Variants in CNTNAP2 observed in about 807,000 individuals in gnomAD.
CNTNAP2 encodes the protein contactin associated protein 2.
In CNTNAP2, 98 loss-of-function variants were observed where a neutral mutation model predicts 155.2. The observed-to-expected ratio is 0.63, with a 90% CI of 0.54 to 0.75. CNTNAP2 has a LOEUF of 0.75. Ranked by LOEUF, CNTNAP2 falls within the 30% of genes least tolerant of loss-of-function variation. The pLI is 0.00. For missense variants in CNTNAP2, 1,727 were observed against 1,688.1 expected (o/e 1.02, Z -0.40); for synonymous variants, 651 against 631.2 (o/e 1.03, Z -0.47).
intron 13 of CNTNAP2, among the ~76,000 whole-genome samples, chr7:147,695,449 A>G (rs1248143513): frequency 1.3e-5 from 2 of 152,190 alleles, no homozygotes; most frequent in East Asian, 1.9e-4. Flanking sequence ...GTTGCCAACT[A>G]TAACAGTGGG....
At chr7:146,890,075 G>A (rs1795745372) in intron 3 of CNTNAP2, among the ~76,000 whole-genome samples, 1 of 152,084 alleles carries the variant, frequency 6.6e-6, no homozygotes, top group Admixed American at 6.6e-5. Flanking sequence ...AAGCTCCACA[G>A]CATCCCTTAT....
chr7:146,303,364 CTTATT>C (rs1368629369), intron 1 of CNTNAP2, among the ~76,000 whole-genome samples: 3 of 148,504 alleles, frequency 2.0e-5, no homozygotes, highest in Admixed American at 1.4e-4. Flanking sequence ...GTTTTTAAAC[CTTATT>C]TTAAAGTAAA....
At chr7:146,603,214 C>A (rs1235490019) in intron 1 of CNTNAP2, among the ~76,000 whole-genome samples, 7 of 151,158 alleles carry the variant, frequency 4.6e-5, no homozygotes, top group Admixed American at 1.3e-4. Context: ...AGATCGAGAC[C>A]ATCCTGGCTA....
chr7:146,250,740 G>A (rs1799743456), intron 1 of CNTNAP2, among the ~76,000 whole-genome samples: 1 of 152,116 alleles, frequency 6.6e-6, no homozygotes, highest in African/African-American at 2.4e-5. Flanking sequence ...TTATGTGTAG[G>A]TATCTCTGCT....
At chr7:147,603,647 C>T (rs1336627266) in intron 12 of CNTNAP2, among the ~76,000 whole-genome samples, 1 of 152,088 alleles carries the variant, frequency 6.6e-6, no homozygotes, top group East Asian at 1.9e-4. Flanking sequence ...CCATACTGCC[C>T]AAGCTAATTT....
chr7:148,005,461 A>G lies in CNTNAP2; in HGVS notation c.2383+27472A>G, dbSNP rs118080817. 5.9e-5 allele frequency among the ~76,000 whole-genome samples: 9 copies of G among 152,282 alleles called. No individual in the cohort carries two copies. In the East Asian group the frequency reaches 1.7e-3, roughly 29 times the overall value. On this transcript the variant is annotated intron_variant, in intron 15 of 23. Coordinates refer to ENST00000361727, the MANE Select transcript of CNTNAP2 (RefSeq NM_014141.6). ...AGACATCATGGGCTCTATGTGTCAC[A>G]TAATGTAGCATCTCATACAGGGTAA...
chr7:147,804,803 C>T (rs761545861), intron 13 of CNTNAP2, among the ~76,000 whole-genome samples: 9 of 152,186 alleles, frequency 5.9e-5, no homozygotes, highest in Non-Finnish European at 1.2e-4. Flanking sequence ...ATCCACCCAG[C>T]TTATCTTCCC....
Position 146,161,254 on chromosome 7 carries a change from C to T in CNTNAP2, c.97+44281C>T, listed in dbSNP as rs117638091. On this transcript the variant is annotated intron_variant, in intron 1 of 23. Coordinates refer to ENST00000361727, the MANE Select transcript of CNTNAP2 (RefSeq NM_014141.6). ...GCCACAGCCAGTATCATACTGAATG[C>T]GCAAAAACTTGAAGCATTCCCTTTG... Among the ~76,000 whole-genome samples the T allele has an allele frequency of 8.6e-3, 1,309 of 152,196 alleles. 21 individuals carry two copies. Among genetic ancestry groups the T allele is most frequent in the African/African-American group, 0.03 (1,227 of 41,530 alleles).
At chr7:146,523,166 C>A (rs1166530216) in intron 1 of CNTNAP2, among the ~76,000 whole-genome samples, 1 of 151,952 alleles carries the variant, frequency 6.6e-6, no homozygotes, top group Non-Finnish European at 1.5e-5. Context: ...TCCCCCAAGT[C>A]CCCAAAGTCC....
chr7:146,211,257 AAT>A (rs1799030385), intron 1 of CNTNAP2, among the ~76,000 whole-genome samples: 1 of 152,214 alleles, frequency 6.6e-6, no homozygotes, highest in African/African-American at 2.4e-5. Flanking sequence ...ATCTGAAAAA[AAT>A]ATAGTTTTAA....
chr7:147,638,841 C>CTTTTTTTTTTTTTTTTT, intron 12 of CNTNAP2: 3 of 508,008 alleles, frequency 5.9e-6, no homozygotes, highest in Non-Finnish European at 1.1e-5. Flanking sequence ...GATACAAAAG[C>CTTTTTTTTTTTTTTTTT]TTTTTTTTTT....
chr7:147,191,652 A>G (rs1371200874), intron 8 of CNTNAP2, among the ~76,000 whole-genome samples: 1 of 152,154 alleles, frequency 6.6e-6, no homozygotes, highest in Non-Finnish European at 1.5e-5. Flanking sequence ...GAAAAACACT[A>G]TTTCTGGAGG....
At chr7:148,004,987 T>C (rs1049126843) in intron 15 of CNTNAP2, among the ~76,000 whole-genome samples, 2 of 152,200 alleles carry the variant, frequency 1.3e-5, no homozygotes, top group East Asian at 1.9e-4. Context: ...CCTAAATGGA[T>C]TGAGTTTTGT....
intron 4 of CNTNAP2, among the ~76,000 whole-genome samples, chr7:147,086,945 C>G (rs1461335422): frequency 3.3e-5 from 5 of 152,172 alleles, no homozygotes; most frequent in Non-Finnish European, 7.3e-5. Flanking sequence ...CTCCCTGATA[C>G]TTAGAAAAGT....
chr7:146,467,465 C>T (rs1238665767), intron 1 of CNTNAP2, among the ~76,000 whole-genome samples: 3 of 152,092 alleles, frequency 2.0e-5, no homozygotes, highest in Non-Finnish European at 4.4e-5. Flanking sequence ...ATGTGGTTGT[C>T]ATTTCAATTG....
intron 8 of CNTNAP2, among the ~76,000 whole-genome samples, chr7:147,262,971 C>T (rs1419604765): frequency 1.3e-5 from 2 of 152,026 alleles, no homozygotes; most frequent in Non-Finnish European, 2.9e-5. Context: ...TATGACAGCC[C>T]CAGAAAACTA....
intron 21 of CNTNAP2, among the ~76,000 whole-genome samples, chr7:148,336,676 T>C (rs1024643061): frequency 6.6e-6 from 1 of 152,238 alleles, no homozygotes; most frequent in Non-Finnish European, 1.5e-5. Context: ...TATTAAATAA[T>C]TTAATGCCAT....
chr7:147,500,438 A>G (rs538339353), intron 11 of CNTNAP2, among the ~76,000 whole-genome samples: 1 of 152,144 alleles, frequency 6.6e-6, no homozygotes, highest in African/African-American at 2.4e-5. Flanking sequence ...TACCTCATAT[A>G]AGTCCCTTTA....
At chr7:147,297,498 T>C (rs1056046034) in intron 8 of CNTNAP2, among the ~76,000 whole-genome samples, 4 of 152,134 alleles carry the variant, frequency 2.6e-5, no homozygotes, top group African/African-American at 9.7e-5. Context: ...GAAAATGATA[T>C]GTTATTTAGA....
Sources: gnomAD v4.1 joint callset for allele counts (sites outside exome capture counted in the v4.1 genomes callset) on GRCh38, gnomAD v4.1.1 for gene constraint, MANE v1.5 for transcripts, NCBI Gene and HGNC (gene_info 2026-07-23, HGNC 2026-07-21) for gene names.